Variants in ARHGEF7 observed in about 807,000 individuals in gnomAD.
ARHGEF7 encodes the protein PAK-interacting exchange factor beta.
In ARHGEF7, 33 loss-of-function variants were observed where a neutral mutation model predicts 109.8. That is an observed-to-expected ratio of 0.30 (90% CI 0.23 to 0.40). The LOEUF is 0.40. Among genes scored for constraint, ARHGEF7 ranks in the 10% least tolerant of loss-of-function variants. The probability of loss-of-function intolerance (pLI) is 1.00; values close to 1 mark genes in which losing one functional copy is unlikely to be tolerated. For synonymous variants in ARHGEF7, 458 were observed against 424.6 expected, an observed-to-expected ratio of 1.08 and a Z score of -0.97; for missense variants, 938 against 1,098.5, an observed-to-expected ratio of 0.85 and a Z score of 2.07.
At chr13:111,154,773 C>T (rs914118439) in intron 2 of ARHGEF7, among the ~76,000 whole-genome samples, 1 of 152,184 alleles carries the variant, frequency 6.6e-6, no homozygotes, top group Non-Finnish European at 1.5e-5. Flanking sequence ...ATACAGAAAT[C>T]TAGCTTTGCT....
chr13:111,139,167 T>C (rs1470728760), intron 1 of ARHGEF7, among the ~76,000 whole-genome samples: 2 of 152,210 alleles, frequency 1.3e-5, no homozygotes, highest in Non-Finnish European at 2.9e-5. Context: ...GAAGATTGAT[T>C]AGTGAACTTG....
chr13:111,248,315 G>A (rs940677298), intron 8 of ARHGEF7, among the ~76,000 whole-genome samples: 3 of 151,894 alleles, frequency 2.0e-5, no homozygotes, highest in African/African-American at 4.8e-5. Flanking sequence ...TTCCCCGTCC[G>A]CTTCCTAGAT....
intron 5 of ARHGEF7, among the ~76,000 whole-genome samples, chr13:111,229,560 T>G (rs1388929856): frequency 6.6e-6 from 1 of 152,200 alleles, no homozygotes; most frequent in African/African-American, 2.4e-5. Context: ...TAGGTCTTGA[T>G]TTTCCTCTTA....
chr13:111,262,932 T>C (rs1181760747), intron 8 of ARHGEF7, among the ~76,000 whole-genome samples: 1 of 152,222 alleles, frequency 6.6e-6, no homozygotes, highest in Non-Finnish European at 1.5e-5. Flanking sequence ...TCATGACTCA[T>C]GTGCACCATC....
chr13:111,133,763 TTATATA>T (rs763290549), intron 1 of ARHGEF7, among the ~76,000 whole-genome samples: 21 of 7,370 alleles, frequency 2.8e-3, no homozygotes, highest in African/African-American at 9.6e-3. Flanking sequence ...CTGCTTTTCT[TTATATA>T]TATATATATA....
intron 2 of ARHGEF7, among the ~76,000 whole-genome samples, chr13:111,178,696 A>G (rs1170983693): frequency 1.3e-5 from 2 of 152,242 alleles, no homozygotes; most frequent in African/African-American, 4.8e-5. Flanking sequence ...GTACCCACCC[A>G]GCTTGGAAAA....
At chr13:111,241,046 T>C in intron 6 of ARHGEF7, 2 of 1,187,370 alleles carry the variant, frequency 1.7e-6, no homozygotes, top group Non-Finnish European at 2.3e-6. Context: ...GAGTCCTCTT[T>C]GTTTTGCTGT....
chr13:111,281,850 T>G (rs1461487128), intron 15 of ARHGEF7, among the ~76,000 whole-genome samples: 1 of 152,236 alleles, frequency 6.6e-6, no homozygotes, highest in East Asian at 1.9e-4. Context: ...GCCTCATGTT[T>G]AAAATGTTCT....
At chr13:111,241,513 A>G (rs1376269582) in intron 6 of ARHGEF7, among the ~76,000 whole-genome samples, 1 of 152,250 alleles carries the variant, frequency 6.6e-6, no homozygotes, top group African/African-American at 2.4e-5. Context: ...TTAGCACCCT[A>G]TTTGAAAATA....
chr13:111,218,348 T>C (rs2083392631), intron 5 of ARHGEF7, among the ~76,000 whole-genome samples: 1 of 152,184 alleles, frequency 6.6e-6, no homozygotes, highest in African/African-American at 2.4e-5. Flanking sequence ...TGTTTTGTAG[T>C]TGTTCACATT....
At chr13:111,215,548 C>T (rs1366353188) in intron 4 of ARHGEF7, among the ~76,000 whole-genome samples, 7 of 152,022 alleles carry the variant, frequency 4.6e-5, no homozygotes, top group Non-Finnish European at 1.0e-4. Context: ...GGTAACATGA[C>T]GAGGCGAATA....
chr13:111,224,216 C>T (rs2084884263), intron 5 of ARHGEF7, among the ~76,000 whole-genome samples: 1 of 145,460 alleles, frequency 6.9e-6, no homozygotes, highest in Non-Finnish European at 1.5e-5. Flanking sequence ...CCCACCCTCA[C>T]TCTTACTCCC....
chr13:111,230,835 C>T (rs1161954389), intron 5 of ARHGEF7, among the ~76,000 whole-genome samples: 1 of 152,220 alleles, frequency 6.6e-6, no homozygotes, highest in Non-Finnish European at 1.5e-5. Context: ...GGAGAAAAGG[C>T]AACCTGCCTG....
At chr13:111,297,789 T>G (rs916312591) in intron 19 of ARHGEF7, among the ~76,000 whole-genome samples, 1 of 152,228 alleles carries the variant, frequency 6.6e-6, no homozygotes, top group African/African-American at 2.4e-5. Context: ...AAGTTGACAT[T>G]CTTTGTGATC....
At chr13:111,221,515 A>ACATC (rs2084269213) in intron 5 of ARHGEF7, among the ~76,000 whole-genome samples, 1 of 49,758 alleles carries the variant, frequency 2.0e-5, no homozygotes, top group Admixed American at 2.8e-4. Flanking sequence ...ATATATATAG[A>ACATC]TATATATCTA....
intron 4 of ARHGEF7, 50 bp downstream of exon 4, chr13:111,210,052 T>A (rs1476908677): frequency 1.9e-6 from 3 of 1,609,386 alleles, no homozygotes; most frequent in Non-Finnish European, 2.6e-6. Context: ...AGGATATGAG[T>A]GTGTATGGAT....
At chr13:111,214,513 C>T (rs961898082) in intron 4 of ARHGEF7, among the ~76,000 whole-genome samples, 1 of 152,246 alleles carries the variant, frequency 6.6e-6, no homozygotes, top group Non-Finnish European at 1.5e-5. Context: ...AGAGCATGGT[C>T]GCGATCACAG....
At position 111,161,832 on chromosome 13, in the gene ARHGEF7, A is replaced by T. The variant is rs116204077; in HGVS notation, c.252+7841A>T. ...ATGTAATGTTTTATAACATGCTTTA[A>T]TTTGATCCAGTGTGAGTCTTTTCCC... is the stretch of plus-strand genomic sequence containing the variant. On this transcript the variant is annotated intron_variant, in intron 2 of 21. Transcript: ENST00000646102. 1.6e-3 allele frequency among the ~76,000 whole-genome samples: 249 copies of T among 152,306 alleles called. 1 individual carries two copies. Among genetic ancestry groups the T allele is most frequent in the African/African-American group, 5.8e-3 (241 of 41,562 alleles).
intron 1 of ARHGEF7, among the ~76,000 whole-genome samples, chr13:111,149,028 C>G (rs1350707716): frequency 6.6e-6 from 1 of 152,068 alleles, no homozygotes; most frequent in African/African-American, 2.4e-5. Flanking sequence ...ACAAGCGATG[C>G]TGGGCCATAC....
Sources: allele counts gnomAD v4.1 joint callset (sites outside exome capture counted in the v4.1 genomes callset), GRCh38; gene constraint gnomAD v4.1.1; transcripts MANE v1.5; gene names NCBI Gene and HGNC (gene_info 2026-07-23, HGNC 2026-07-21).